Variants in RNF216 observed in about 807,000 individuals in gnomAD.
RNF216 encodes the protein ring finger protein 216.
In RNF216, 72 loss-of-function variants were observed where a neutral mutation model predicts 110.8. The ratio of observed to expected loss-of-function variants is 0.65; its 90% CI spans 0.54 to 0.79. RNF216 has a LOEUF of 0.79. RNF216 is among the 30% of genes least tolerant of loss of function. The probability of loss-of-function intolerance (pLI) is 0.00; values close to 1 mark genes in which losing one functional copy is unlikely to be tolerated. For synonymous variants in RNF216, 495 were observed against 407.5 expected (o/e 1.21, Z -2.59); for missense variants, 1,342 against 1,141.2 (o/e 1.18, Z -2.54).
intron 13 of RNF216, among the ~76,000 whole-genome samples, chr7:5,659,482 G>T (rs1003141249): frequency 2.6e-5 from 4 of 152,130 alleles, no homozygotes; most frequent in Non-Finnish European, 5.9e-5. Context: ...GAGCCCAGTG[G>T]GGGAGAGTGG....
At chr7:5,777,743 T>C (rs571325546) in intron 1 of RNF216, 2 of 152,338 alleles carry the variant, frequency 1.3e-5, no homozygotes, top group East Asian at 1.9e-4. Context: ...TGGATATAAA[T>C]ATGCAAACAA....
intron 9 of RNF216, among the ~76,000 whole-genome samples, chr7:5,719,984 G>T (rs910910682): frequency 6.6e-6 from 1 of 152,192 alleles, no homozygotes; most frequent in African/African-American, 2.4e-5. Context: ...ACTTGGTAAA[G>T]TAATTTTTAC....
At chr7:5,717,402 G>A (rs1793133558) in intron 9 of RNF216, among the ~76,000 whole-genome samples, 1 of 152,150 alleles carries the variant, frequency 6.6e-6, no homozygotes, top group Non-Finnish European at 1.5e-5. Context: ...AGACTTCGCT[G>A]GCGAGGCTGT....
chr7:5,655,712 G>C (rs747923197), intron 13 of RNF216, among the ~76,000 whole-genome samples: 1 of 148,354 alleles, frequency 6.7e-6, no homozygotes, highest in East Asian at 1.9e-4. Context: ...TTAACATTTG[G>C]AGCTCTCTCT....
At chr7:5,671,286 C>T (rs1584419896) in intron 13 of RNF216, among the ~76,000 whole-genome samples, 1 of 152,176 alleles carries the variant, frequency 6.6e-6, no homozygotes. Flanking sequence ...GGTAACTGTT[C>T]CTGCTTTCTA....
chr7:5,777,938 G>A (rs1300000232), intron 1 of RNF216, among the ~76,000 whole-genome samples: 2 of 151,992 alleles, frequency 1.3e-5, no homozygotes, highest in Non-Finnish European at 2.9e-5. Context: ...AGATAAGTAA[G>A]TACATCCTCA....
At chr7:5,710,349 G>C (rs1448657864) in intron 13 of RNF216, among the ~76,000 whole-genome samples, 2 of 149,590 alleles carry the variant, frequency 1.3e-5, no homozygotes, top group Non-Finnish European at 3.0e-5. Context: ...AACAGAGTGA[G>C]ACCCTGCCTC....
At chr7:5,655,181 G>T (rs565610388) in intron 13 of RNF216, among the ~76,000 whole-genome samples, 67 of 152,294 alleles carry the variant, frequency 4.4e-4, no homozygotes, top group Admixed American at 9.2e-4. Context: ...GGCCAGGCTG[G>T]AGCCAGGTGC....
intron 13 of RNF216, among the ~76,000 whole-genome samples, chr7:5,658,911 C>A (rs1248847825): frequency 6.6e-6 from 1 of 152,016 alleles, no homozygotes; most frequent in African/African-American, 2.4e-5. Context: ...ATGGAGGAGG[C>A]CTGGAGAGTG....
intron 13 of RNF216, among the ~76,000 whole-genome samples, chr7:5,656,085 A>G (rs1584389098): frequency 6.6e-6 from 1 of 152,256 alleles, no homozygotes; most frequent in South Asian, 2.1e-4. Context: ...CCTGGGCAAC[A>G]TGGTCAAACC....
chr7:5,663,623 G>A (rs1307284815), intron 13 of RNF216, among the ~76,000 whole-genome samples: 3 of 148,376 alleles, frequency 2.0e-5, no homozygotes, highest in Non-Finnish European at 3.0e-5. Flanking sequence ...ACTTGAGGCC[G>A]GGCACAGTGG....
At chr7:5,753,005 A>C (rs773078839) in intron 2 of RNF216, 26 bp from the exon 3 acceptor site, 9 of 1,594,504 alleles carry the variant, frequency 5.6e-6, no homozygotes, top group Non-Finnish European at 4.3e-6. Context: ...GAACACTGTT[A>C]CTGGGAGGTT....
chr7:5,710,366 T>TAAAAAAAA (rs537822157), intron 13 of RNF216, among the ~76,000 whole-genome samples: 1 of 130,154 alleles, frequency 7.7e-6, no homozygotes. Context: ...CCTCAAAACT[T>TAAAAAAAA]AAAAACAAAA....
intron 2 of RNF216, among the ~76,000 whole-genome samples, chr7:5,755,218 G>A (rs1290701896): frequency 1.8e-5 from 2 of 110,958 alleles, no homozygotes; most frequent in African/African-American, 3.5e-5. Flanking sequence ...AGGAAGAAAG[G>A]AAGGAAGGGA....
chr7:5,752,387 C>T (rs1795378339), intron 3 of RNF216, among the ~76,000 whole-genome samples: 3 of 152,066 alleles, frequency 2.0e-5, no homozygotes, highest in African/African-American at 4.8e-5. Flanking sequence ...AGAGTAGTAT[C>T]ATAAAAATTG....
At chr7:5,715,494 C>G (rs1443577709) in intron 10 of RNF216, among the ~76,000 whole-genome samples, 2 of 151,986 alleles carry the variant, frequency 1.3e-5, no homozygotes, top group African/African-American at 4.8e-5. Context: ...ACTAGAACAT[C>G]TGTACTCAGA....
chr7:5,647,495 G>A (rs1263446365), intron 14 of RNF216, among the ~76,000 whole-genome samples: 2 of 151,662 alleles, frequency 1.3e-5, no homozygotes, highest in Admixed American at 1.3e-4. Flanking sequence ...CACCATGCCT[G>A]GCTAATTTTT....
chr7:5,731,457 C>G (rs190426012), intron 5 of RNF216, among the ~76,000 whole-genome samples: 497 of 142,696 alleles, frequency 3.5e-3, no homozygotes, highest in South Asian at 0.019. Flanking sequence ...TCTATTATCA[C>G]CATGAAATAC....
chr7:5,734,303 A>G (rs1050963896), intron 5 of RNF216, among the ~76,000 whole-genome samples: 6 of 152,226 alleles, frequency 3.9e-5, no homozygotes, highest in Admixed American at 2.6e-4. Context: ...TCTACCCTAC[A>G]TGAATAAACT....
Sources: allele counts gnomAD v4.1 joint callset (sites outside exome capture counted in the v4.1 genomes callset), GRCh38; gene constraint gnomAD v4.1.1; transcripts MANE v1.5; gene names NCBI Gene and HGNC (gene_info 2026-07-23, HGNC 2026-07-21).